DLG2: variants seen among roughly 807,000 people sequenced by gnomAD.
DLG2 encodes the protein discs large MAGUK scaffold protein 2, also known as disks large homolog 2.
DLG2 carries 45 observed loss-of-function variants against 132.5 expected under a neutral mutation model. That is an observed-to-expected ratio of 0.34 (90% CI 0.27 to 0.44). The LOEUF (loss-of-function observed/expected upper bound fraction) is 0.44. DLG2 is among the 20% of genes least tolerant of loss of function. DLG2 has a pLI of 1.00. For missense variants in DLG2, 1,045 were observed against 1,196.9 expected (o/e 0.87, Z 1.87); for synonymous variants, 424 against 419.6 (o/e 1.01, Z -0.13).
intron 8 of DLG2, among the ~76,000 whole-genome samples, chr11:84,242,666 A>G (rs2097248137): frequency 6.6e-6 from 1 of 152,166 alleles, no homozygotes; most frequent in Admixed American, 6.5e-5. Flanking sequence ...TCGGCCTCCC[A>G]TAATGCTGGG....
chr11:84,475,500 G>A (rs189798550), intron 7 of DLG2, among the ~76,000 whole-genome samples: 200 of 152,194 alleles, frequency 1.3e-3, no homozygotes, highest in African/African-American at 4.6e-3. Flanking sequence ...CTGTTTTCTG[G>A]CACTTGTTCA....
intron 12 of DLG2, among the ~76,000 whole-genome samples, chr11:83,965,986 A>G (rs904837628): frequency 4.6e-5 from 7 of 152,028 alleles, no homozygotes; most frequent in African/African-American, 1.4e-4. Context: ...ATTATGTTGC[A>G]TGACTACAGT....
At chr11:84,517,687 A>G (rs2099277934) in intron 7 of DLG2, among the ~76,000 whole-genome samples, 1 of 152,072 alleles carries the variant, frequency 6.6e-6, no homozygotes, top group Non-Finnish European at 1.5e-5. Context: ...TGTTGAAGAT[A>G]TAGCTGCACT....
At chr11:83,842,600 G>A (rs1201544390) in intron 16 of DLG2, among the ~76,000 whole-genome samples, 12 of 151,248 alleles carry the variant, frequency 7.9e-5, no homozygotes, top group Non-Finnish European at 1.3e-4. Flanking sequence ...AGGCCGAGGC[G>A]GGTGGATCAC....
intron 7 of DLG2, among the ~76,000 whole-genome samples, chr11:84,515,700 G>A (rs2099270713): frequency 6.6e-6 from 1 of 151,694 alleles, no homozygotes; most frequent in Non-Finnish European, 1.5e-5. Flanking sequence ...ATCAGCACGG[G>A]AACATTGAAC....
intron 7 of DLG2, among the ~76,000 whole-genome samples, chr11:84,276,079 C>T (rs1210159738): frequency 2.0e-5 from 3 of 152,086 alleles, no homozygotes; most frequent in Non-Finnish European, 4.4e-5. Flanking sequence ...CAAATTTGAG[C>T]TTATTCTTGA....
At chr11:85,508,068 G>A (rs1405170169) in intron 3 of DLG2, among the ~76,000 whole-genome samples, 1 of 151,976 alleles carries the variant, frequency 6.6e-6, no homozygotes, top group Non-Finnish European at 1.5e-5. Context: ...GGTCATTTAA[G>A]GTCTTCTCTA....
chr11:84,179,520 A>C (rs1184967947), intron 8 of DLG2, among the ~76,000 whole-genome samples: 1 of 152,164 alleles, frequency 6.6e-6, no homozygotes, highest in Non-Finnish European at 1.5e-5. Flanking sequence ...AAACTCTGAC[A>C]GTCATGAACT....
At chr11:84,729,860 C>T (rs1462054779) in intron 6 of DLG2, among the ~76,000 whole-genome samples, 2 of 152,010 alleles carry the variant, frequency 1.3e-5, no homozygotes, top group African/African-American at 4.8e-5. Context: ...GCTCCCCTCC[C>T]TGCCACCTCC....
chr11:83,996,712 G>A (rs2094046749), intron 11 of DLG2, among the ~76,000 whole-genome samples: 1 of 152,144 alleles, frequency 6.6e-6, no homozygotes, highest in Admixed American at 6.5e-5. Context: ...AAATAAGCAA[G>A]AGACAGAAAG....
At position 83,618,177 on chromosome 11, in the gene DLG2, G is replaced by A. The variant is rs369584141; in HGVS notation, c.1940+15034C>T. On this transcript the variant is annotated intron_variant, in intron 19 of 27. Coordinates refer to ENST00000376104, the MANE Select transcript of DLG2 (RefSeq NM_001142699.3). ...TAATGTGATTTTCTAATGTTAAAGC[G>A]TTCTTTCATTTCTGTAATAAATTCC... Among the ~76,000 whole-genome samples, 12 of 151,976 alleles carry A rather than the reference G, an allele frequency of 7.9e-5. No homozygotes were observed. The East Asian group carries it at 9.7e-4, about 12-fold the overall frequency.
intron 6 of DLG2, among the ~76,000 whole-genome samples, chr11:84,626,754 A>G (rs188417955): frequency 3.3e-4 from 51 of 152,318 alleles, no homozygotes; most frequent in African/African-American, 1.2e-3. Flanking sequence ...ACTACGGCCC[A>G]AGGTTTTCTA....
chr11:84,784,520 C>A (rs1213070577), intron 6 of DLG2, among the ~76,000 whole-genome samples: 1 of 151,792 alleles, frequency 6.6e-6, no homozygotes, highest in Non-Finnish European at 1.5e-5. Flanking sequence ...GATCAACTTG[C>A]AACCAACTTT....
intron 3 of DLG2, among the ~76,000 whole-genome samples, chr11:85,443,971 T>G (rs1342002214): frequency 2.0e-5 from 3 of 152,200 alleles, no homozygotes; most frequent in African/African-American, 7.2e-5. Flanking sequence ...TTCACCAGCC[T>G]TCTCTATTTT....
chr11:84,447,514 C>T (rs1168041618), intron 7 of DLG2, among the ~76,000 whole-genome samples: 2 of 152,080 alleles, frequency 1.3e-5, no homozygotes, highest in East Asian at 1.9e-4. Context: ...CCTTTTATGC[C>T]ATTAGCAAAG....
intron 8 of DLG2, among the ~76,000 whole-genome samples, chr11:84,185,481 C>T (rs866478333): frequency 3.7e-4 from 57 of 152,140 alleles, no homozygotes; most frequent in Middle Eastern, 3.4e-3. Flanking sequence ...GCTGAGACGA[C>T]GGGGTTTTCT....
chr11:84,702,489 TA>T (rs2059318125), intron 6 of DLG2, among the ~76,000 whole-genome samples: 1 of 151,710 alleles, frequency 6.6e-6, no homozygotes. Flanking sequence ...CCTCTGGACT[TA>T]AAATGTAAAA....
chr11:83,533,010 G>A (rs893845585), intron 20 of DLG2, among the ~76,000 whole-genome samples: 11 of 151,038 alleles, frequency 7.3e-5, no homozygotes, highest in African/African-American at 2.7e-4. Flanking sequence ...GTCACGTCAT[G>A]GTATTTGTAA....
At chr11:84,699,976 T>G (rs2059041912) in intron 6 of DLG2, among the ~76,000 whole-genome samples, 1 of 151,592 alleles carries the variant, frequency 6.6e-6, no homozygotes, top group African/African-American at 2.4e-5. Context: ...CTTAGACTAT[T>G]TATTCATCTG....
Sources: allele counts gnomAD v4.1 joint callset (sites outside exome capture counted in the v4.1 genomes callset), GRCh38; gene constraint gnomAD v4.1.1; transcripts MANE v1.5; gene names NCBI Gene and HGNC (gene_info 2026-07-23, HGNC 2026-07-21).